MYO18B: variants seen among roughly 807,000 people sequenced by gnomAD.
MYO18B encodes myosin XVIIIB.
In MYO18B, 204 loss-of-function variants were observed where a neutral mutation model predicts 273.0. The observed-to-expected ratio is 0.75, with a 90% CI of 0.67 to 0.84. The LOEUF (loss-of-function observed/expected upper bound fraction) is 0.84, where lower values mean the gene tolerates loss of function less well. Among genes scored for constraint, MYO18B ranks in the 40% least tolerant of loss-of-function variants. The pLI, the probability that MYO18B is intolerant of heterozygous loss-of-function variation, is 0.00. For missense variants in MYO18B, 3,212 were observed against 3,287.6 expected, an observed-to-expected ratio of 0.98 and a Z score of 0.56; for synonymous variants, 1,330 against 1,305.7, an observed-to-expected ratio of 1.02 and a Z score of -0.40.
chr22:25,807,657 C>G (rs2088542741), intron 12 of MYO18B, among the ~76,000 whole-genome samples: 1 of 152,118 alleles, frequency 6.6e-6, no homozygotes, highest in Non-Finnish European at 1.5e-5. Context: ...TTCCAGGAAG[C>G]AAGATGGAAG....
chr22:25,953,380 C>T (rs976304377), intron 38 of MYO18B, among the ~76,000 whole-genome samples: 3 of 152,198 alleles, frequency 2.0e-5, no homozygotes, highest in East Asian at 1.9e-4. Context: ...AGATGGACAC[C>T]TGACCTTCAC....
At chr22:25,830,270 A>T (rs2089656967) in intron 15 of MYO18B, among the ~76,000 whole-genome samples, 1 of 148,670 alleles carries the variant, frequency 6.7e-6, no homozygotes, top group Non-Finnish European at 1.5e-5. Flanking sequence ...CTGACCCTCA[A>T]TTTTTTTTTT....
chr22:25,787,309 C>CACAG (rs57856007), intron 11 of MYO18B, among the ~76,000 whole-genome samples: 13,225 of 144,674 alleles, frequency 0.091, 769 homozygotes, highest in Non-Finnish European at 0.13. Context: ...CACACACACA[C>CACAG]AGTCTGTCTT....
At chr22:25,781,680 C>T (rs1427302583) in intron 9 of MYO18B, 54 bp from the exon 10 acceptor site, 2 of 1,174,608 alleles carry the variant, frequency 1.7e-6, no homozygotes, top group Admixed American at 6.6e-5. Flanking sequence ...GCACTTCAGG[C>T]ATGTGCAGAT....
At chr22:25,971,096 A>G (rs2093032206) in intron 39 of MYO18B, among the ~76,000 whole-genome samples, 2 of 152,254 alleles carry the variant, frequency 1.3e-5, no homozygotes, top group Admixed American at 6.5e-5. Context: ...CTCTGTCACA[A>G]CTACTCAACT....
intron 11 of MYO18B, among the ~76,000 whole-genome samples, chr22:25,793,852 G>A (rs779513341): frequency 6.6e-6 from 1 of 152,194 alleles, no homozygotes; most frequent in Non-Finnish European, 1.5e-5. Flanking sequence ...TTTAAAAATT[G>A]AGGTAAAACA....
At position 26,027,109 on chromosome 22, in the gene MYO18B, A is replaced by C. The variant is rs1393830282; in HGVS notation, c.7135A>C (p.Thr2379Pro). 14 of 1,613,912 alleles carry C rather than the reference A, an allele frequency of 8.7e-6. No individual in the cohort carries two copies. Among genetic ancestry groups the C allele is most frequent in the African/African-American group, 1.3e-5 (1 of 74,942 alleles). ...ACCCAGGGACATGCTGTTGTCGCCC[A>C]CACTGCGTCCTCGGAGGCGGTGTCT... ...TTPRDMLLSP[T>P]LRPRRRCLES... Residue 2379 changes from threonine to proline, a missense_variant, in exon 43 of 44, where the codon ACA (threonine) becomes CCA (proline). Transcript: ENST00000335473. This position sits in a 1 kb window ranked among gnomAD's most constrained non-coding sequence, Gnocchi z 4.1.
intron 39 of MYO18B, among the ~76,000 whole-genome samples, chr22:25,965,488 G>T (rs1385417794): frequency 2.0e-5 from 3 of 152,210 alleles, no homozygotes; most frequent in African/African-American, 7.2e-5. Flanking sequence ...TTCCAGGGCA[G>T]GTGGATTCCT....
chr22:25,792,669 AT>A (rs554439173), intron 11 of MYO18B, among the ~76,000 whole-genome samples: 291 of 150,852 alleles, frequency 1.9e-3, no homozygotes, highest in African/African-American at 6.8e-3. Flanking sequence ...TAATTTTTTT[AT>A]TTTTAGTAGA....
intron 12 of MYO18B, among the ~76,000 whole-genome samples, chr22:25,804,469 C>T (rs76847710): frequency 0.031 from 4,764 of 152,280 alleles, 201 homozygotes; most frequent in African/African-American, 0.1. Flanking sequence ...GGTGGTGTGA[C>T]GTGCGCAAGG....
rs559168936 is a variant in MYO18B, at chr22:25,971,167, G to C, written c.6156+15803G>C. Among the ~76,000 whole-genome samples the C allele has an allele frequency of 2.0e-5, 3 of 152,336 alleles. 1 individual carries two copies. The highest frequency in any genetic ancestry group is 2.0e-4 in the Admixed American group (3 of 15,300). On this transcript the variant is annotated intron_variant, in intron 39 of 43. Transcript: ENST00000335473. Reference sequence around the variant, plus strand: ...TGCAAATGAATGAATAGATGAGCGTGGTTATGTTCCAATAAAACTTTATTT... The same window carrying C: ...TGCAAATGAATGAATAGATGAGCGTCGTTATGTTCCAATAAAACTTTATTT...
chr22:25,917,006 T>C (rs2092271146), intron 33 of MYO18B, among the ~76,000 whole-genome samples: 1 of 152,272 alleles, frequency 6.6e-6, no homozygotes, highest in South Asian at 2.1e-4. Context: ...CACTCCAGCC[T>C]GGGTGACAGA....
At chr22:26,011,037 A>C (rs1569292812) in intron 42 of MYO18B, among the ~76,000 whole-genome samples, 2 of 151,102 alleles carry the variant, frequency 1.3e-5, no homozygotes, top group East Asian at 1.9e-4. Context: ...AGTAAGAAGG[A>C]GCATTTATTG....
chr22:25,854,766 A>G lies in MYO18B; in HGVS notation c.3885+3187A>G, dbSNP rs189698765. Among the ~76,000 whole-genome samples the G allele has an allele frequency of 1.2e-4, 19 of 152,320 alleles. No homozygotes were observed. The Middle Eastern group carries it at 0.01, about 82-fold the overall frequency. The stretch of plus-strand genomic sequence containing the variant: ...CATCATAGAAGTAGAATCATGCCAC[A>G]TATGTCCTTTCATGACTGGTTAATT... On this transcript the variant is annotated intron_variant, in intron 21 of 43. Transcript: ENST00000335473.
At chr22:26,004,680 T>A in intron 41 of MYO18B, 38 bp from the exon 42 acceptor site, 9 of 1,609,226 alleles carry the variant, frequency 5.6e-6, no homozygotes, top group African/African-American at 1.3e-5. Flanking sequence ...TTACTGTGAT[T>A]GTCATTGTGC....
intron 34 of MYO18B, among the ~76,000 whole-genome samples, chr22:25,928,949 G>T (rs13056828): frequency 0.011 from 1,709 of 152,124 alleles, 14 homozygotes; most frequent in East Asian, 0.031. Flanking sequence ...GTCACCTGAG[G>T]TCAGGAGTTC....
At chr22:26,041,427 G>A in the MYO18B span, among the ~76,000 whole-genome samples, 1 of 151,876 alleles carries the variant, frequency 6.6e-6, no homozygotes, top group Non-Finnish European at 1.5e-5. Context: ...AACTACTTGG[G>A]AGGCTGAGGC....
intron 7 of MYO18B, among the ~76,000 whole-genome samples, chr22:25,776,260 A>T (rs1274993718): frequency 6.6e-6 from 1 of 152,128 alleles, no homozygotes; most frequent in Admixed American, 6.5e-5. Flanking sequence ...TACTGTGCTT[A>T]TTTGTTCATA....
chr22:25,770,805 G>A (rs1439945766), intron 5 of MYO18B, 67 bp from the exon 6 acceptor site: 21 of 1,168,622 alleles, frequency 1.8e-5, no homozygotes, highest in Non-Finnish European at 2.5e-5. Context: ...TCCTGCCCTC[G>A]CCTCTTTCCC....
Sources: allele counts gnomAD v4.1 joint callset (sites outside exome capture counted in the v4.1 genomes callset), GRCh38; gene constraint gnomAD v4.1.1; non-coding constraint Gnocchi (gnomAD v3.1); transcripts MANE v1.5; gene names NCBI Gene and HGNC (gene_info 2026-07-23, HGNC 2026-07-21).